The following FRMD4A variants were observed in gnomAD, a reference collection of about 807,000 sequenced individuals.
FRMD4A encodes the protein FERM domain containing 4A.
FRMD4A carries 29 observed loss-of-function variants against 129.1 expected under a neutral mutation model. The observed-to-expected ratio is 0.22, with a 90% CI of 0.17 to 0.31. The LOEUF is 0.31. Ranked by LOEUF, FRMD4A falls within the 10% of genes least tolerant of loss-of-function variation. The pLI, the probability that FRMD4A is intolerant of heterozygous loss-of-function variation, is 1.00. For synonymous variants in FRMD4A, 634 were observed against 571.6 expected (o/e 1.11, Z -1.56); for missense variants, 1,272 against 1,375.8 (o/e 0.92, Z 1.19).
At chr10:14,308,398 A>AT (rs200752301) in intron 2 of FRMD4A, among the ~76,000 whole-genome samples, 87 of 151,380 alleles carry the variant, frequency 5.7e-4, no homozygotes, top group African/African-American at 9.9e-4. Flanking sequence ...CCAATTTATT[A>AT]TTATTTTTTT....
chr10:13,926,436 A>C lies in FRMD4A; in HGVS notation c.46-67524T>G, dbSNP rs140396026. On this transcript the variant is annotated intron_variant, in intron 2 of 24. Transcript: ENST00000357447. ...GGTATTGATTAGTGCCAAGCCAATA[A>C]CCAAGGCAATTCCAGTCCATAATAA... 4.5e-3 allele frequency among the ~76,000 whole-genome samples: 691 copies of C among 152,302 alleles called. 8 individuals are homozygous for C. The highest frequency in any genetic ancestry group is 0.016 in the African/African-American group (665 of 41,572).
At chr10:14,035,457 A>G (rs939850577) in intron 2 of FRMD4A, among the ~76,000 whole-genome samples, 1 of 152,074 alleles carries the variant, frequency 6.6e-6, no homozygotes, top group African/African-American at 2.4e-5. Flanking sequence ...AAAAAAATGA[A>G]ACAAGCCAAA....
At chr10:14,223,982 C>G (rs1417033992) in intron 2 of FRMD4A, among the ~76,000 whole-genome samples, 1 of 152,156 alleles carries the variant, frequency 6.6e-6, no homozygotes, top group South Asian at 2.1e-4. Flanking sequence ...TATGGATCAT[C>G]TGCATCGGGA....
chr10:14,113,217 G>A (rs375796972), intron 2 of FRMD4A, among the ~76,000 whole-genome samples: 12 of 152,098 alleles, frequency 7.9e-5, no homozygotes, highest in Non-Finnish European at 1.8e-4. Flanking sequence ...TGAACAATGC[G>A]GTTGAGCTGC....
At chr10:14,212,799 C>T (rs1842968172) in intron 2 of FRMD4A, among the ~76,000 whole-genome samples, 1 of 152,320 alleles carries the variant, frequency 6.6e-6, no homozygotes, top group Non-Finnish European at 1.5e-5. Flanking sequence ...ATGCATTTTT[C>T]ATGATGGTCC....
At chr10:14,287,841 T>C (rs1394942381) in intron 2 of FRMD4A, among the ~76,000 whole-genome samples, 1 of 152,160 alleles carries the variant, frequency 6.6e-6, no homozygotes, top group Non-Finnish European at 1.5e-5. Flanking sequence ...ATAAAATGAA[T>C]GACAAGTGCC....
intron 2 of FRMD4A, among the ~76,000 whole-genome samples, chr10:13,917,021 G>A (rs181036284): frequency 3.3e-4 from 51 of 152,244 alleles, no homozygotes; most frequent in Non-Finnish European, 6.5e-4. Flanking sequence ...TGTGCTCACC[G>A]AAGTTTTGGC....
chr10:13,774,515 C>A (rs1232146163), intron 6 of FRMD4A, among the ~76,000 whole-genome samples: 1 of 152,184 alleles, frequency 6.6e-6, no homozygotes, highest in Non-Finnish European at 1.5e-5. Context: ...ACTGTTCCCT[C>A]CCGATCCCTG....
At chr10:13,692,430 G>C (rs2085798385) in intron 15 of FRMD4A, 1 of 152,146 alleles carries the variant, frequency 6.6e-6, no homozygotes, top group Admixed American at 6.6e-5. Flanking sequence ...TTACAGGCCT[G>C]AGCCACCACA....
intron 2 of FRMD4A, among the ~76,000 whole-genome samples, chr10:13,880,238 C>T (rs898483404): frequency 6.6e-6 from 1 of 152,128 alleles, no homozygotes. Flanking sequence ...CAGATCACAG[C>T]TTCCCCTCCC....
chr10:13,743,924 G>A (rs2091151807), intron 9 of FRMD4A, among the ~76,000 whole-genome samples: 1 of 152,148 alleles, frequency 6.6e-6, no homozygotes, highest in South Asian at 2.1e-4. Context: ...GGGACTCAAG[G>A]GGATAACTAG....
Position 13,657,282 on chromosome 10 carries a change from G to T in FRMD4A, c.2307C>A (p.Ser769=). The change falls in exon 22 of 25, where the codon TCC becomes TCA. Residue 769 remains serine, a synonymous_variant. Transcript: ENST00000357447. ...YYPAQMNANY[S]TLAEDSPSKA... ...TGGACGGCGAGTCCTCGGCCAGCGT[G>T]GAGTAGTTGGCGTTCATCTGCGCCG... The T allele has an allele frequency of 6.2e-7, 1 of 1,607,596 alleles. No individual in the cohort carries two copies.
At chr10:14,325,190 C>G (rs1400482221) in intron 2 of FRMD4A, among the ~76,000 whole-genome samples, 1 of 152,172 alleles carries the variant, frequency 6.6e-6, no homozygotes, top group Admixed American at 6.5e-5. Context: ...TGCTTTTTGA[C>G]AGTTGGGATC....
chr10:13,655,132 G>T (rs1044081319), intron 22 of FRMD4A: 2 of 152,272 alleles, frequency 1.3e-5, no homozygotes, highest in Admixed American at 1.3e-4. Context: ...TGGAAGTCCA[G>T]CTGGAAAGAT....
chr10:14,290,738 A>T (rs1001692476), intron 2 of FRMD4A, among the ~76,000 whole-genome samples: 6 of 152,100 alleles, frequency 3.9e-5, no homozygotes, highest in Non-Finnish European at 7.4e-5. Flanking sequence ...AAGTGGGATG[A>T]CTACAAACTA....
At chr10:14,138,496 C>T (rs1353024526) in intron 2 of FRMD4A, among the ~76,000 whole-genome samples, 1 of 151,232 alleles carries the variant, frequency 6.6e-6, no homozygotes, top group Non-Finnish European at 1.5e-5. Flanking sequence ...CGCGGTGGCT[C>T]ACACCTGTAA....
chr10:14,165,802 T>C (rs1200666837), intron 2 of FRMD4A, among the ~76,000 whole-genome samples: 1 of 152,080 alleles, frequency 6.6e-6, no homozygotes, highest in South Asian at 2.1e-4. Context: ...GAGATAAACA[T>C]TGAGTACTCA....
chr10:13,845,158 G>T (rs1191027513), intron 3 of FRMD4A, among the ~76,000 whole-genome samples: 1 of 152,172 alleles, frequency 6.6e-6, no homozygotes, highest in Non-Finnish European at 1.5e-5. Flanking sequence ...TGACTGATTT[G>T]ACATCACTGG....
intron 3 of FRMD4A, among the ~76,000 whole-genome samples, chr10:13,854,586 A>AT (rs34618985): frequency 0.31 from 40,813 of 130,412 alleles, 6,275 homozygotes; most frequent in Middle Eastern, 0.36. Context: ...ACACCGAGCT[A>AT]TTTTTTTTTT....
Sources: gnomAD v4.1 joint callset for allele counts (sites outside exome capture counted in the v4.1 genomes callset) on GRCh38, gnomAD v4.1.1 for gene constraint, MANE v1.5 for transcripts, NCBI Gene and HGNC (gene_info 2026-07-23, HGNC 2026-07-21) for gene names.